ALK: variants seen among roughly 807,000 people sequenced by gnomAD.
ALK encodes the protein ALK receptor tyrosine kinase, also known as ALK tyrosine kinase receptor.
A neutral mutation model predicts 163.1 loss-of-function variants in ALK; 74 were observed. The ratio of observed to expected loss-of-function variants is 0.45; its 90% confidence interval spans 0.38 to 0.55. The LOEUF (loss-of-function observed/expected upper bound fraction) is 0.55, where lower values mean the gene tolerates loss of function less well. Ranked by LOEUF, ALK falls within the 20% of genes least tolerant of loss-of-function variation. The probability of loss-of-function intolerance (pLI) is 0.00; values close to 1 mark genes in which losing one functional copy is unlikely to be tolerated. For missense variants in ALK, 2,063 were observed against 2,105.3 expected, an observed-to-expected ratio of 0.98 and a Z score of 0.39; for synonymous variants, 960 against 843.2, an observed-to-expected ratio of 1.14 and a Z score of -2.40.
intron 26 of ALK, among the ~76,000 whole-genome samples, chr2:29,204,340 T>A (rs1669259539): frequency 6.6e-6 from 1 of 152,234 alleles, no homozygotes; most frequent in African/African-American, 2.4e-5. Flanking sequence ...CGCATTACAT[T>A]TAATTGTCTT....
intron 4 of ALK, among the ~76,000 whole-genome samples, chr2:29,482,053 T>A (rs1671673765): frequency 6.6e-6 from 1 of 152,162 alleles, no homozygotes; most frequent in Admixed American, 6.5e-5. Flanking sequence ...TGACCACAGA[T>A]CTCAAATGGG....
At chr2:29,912,887 A>G (rs777432022) in intron 1 of ALK, among the ~76,000 whole-genome samples, 1 of 152,164 alleles carries the variant, frequency 6.6e-6, no homozygotes, top group Non-Finnish European at 1.5e-5. Flanking sequence ...GCTCACCCTC[A>G]TGAACTCACA....
intron 4 of ALK, among the ~76,000 whole-genome samples, chr2:29,441,656 T>G (rs1437797670): frequency 6.6e-6 from 1 of 152,218 alleles, no homozygotes; most frequent in Non-Finnish European, 1.5e-5. Context: ...ACATCTGCCC[T>G]GGGGTAACAA....
At chr2:29,370,023 G>C (rs539207366) in intron 5 of ALK, among the ~76,000 whole-genome samples, 1 of 152,150 alleles carries the variant, frequency 6.6e-6, no homozygotes, top group African/African-American at 2.4e-5. Flanking sequence ...GGGAGAGAGA[G>C]TGTGCAGGGA....
intron 1 of ALK, among the ~76,000 whole-genome samples, chr2:29,755,430 T>G (rs1159462730): frequency 2.0e-5 from 3 of 152,220 alleles, no homozygotes; most frequent in Non-Finnish European, 4.4e-5. Flanking sequence ...GGAAGAATTC[T>G]CCACGGACCT....
intron 1 of ALK, among the ~76,000 whole-genome samples, chr2:29,785,263 A>C (rs1490780672): frequency 2.0e-5 from 3 of 152,084 alleles, no homozygotes; most frequent in African/African-American, 7.2e-5. Context: ...ACTTCCTGGT[A>C]TATATGAGGG....
At chr2:29,626,821 G>A (rs930051385) in intron 3 of ALK, among the ~76,000 whole-genome samples, 2 of 152,196 alleles carry the variant, frequency 1.3e-5, no homozygotes, top group African/African-American at 4.8e-5. Context: ...ATAGCAGCCT[G>A]AGCAGACTGA....
Position 29,595,397 on chromosome 2 carries a change from T to C in ALK, c.953-63281A>G, listed in dbSNP as rs374783217. On this transcript the variant is annotated intron_variant, in intron 3 of 28. Coordinates refer to ENST00000389048, the MANE Select transcript of ALK (RefSeq NM_004304.5). ...GTCCAGCTGCACGATCTCGGCTCAC[T>C]GCAAGCTCTGCCTCCCGGGTTCACG... Among the ~76,000 whole-genome samples the C allele has an allele frequency of 8.1e-4, 121 of 150,118 alleles. No individual in the cohort carries two copies. In the East Asian group the frequency reaches 8.5e-3, roughly 11 times the overall value.
intron 1 of ALK, among the ~76,000 whole-genome samples, chr2:29,888,863 C>G (rs1252886804): frequency 6.6e-6 from 1 of 152,196 alleles, no homozygotes; most frequent in Non-Finnish European, 1.5e-5. Context: ...ATCCAATACA[C>G]CATTTCCTTC....
At chr2:29,494,875 T>TGTGTGTGC (rs971114691) in intron 4 of ALK, among the ~76,000 whole-genome samples, 22 of 147,850 alleles carry the variant, frequency 1.5e-4, no homozygotes, top group African/African-American at 5.4e-4. Flanking sequence ...TGTGTGTGTG[T>TGTGTGTGC]GCATGCATGT....
chr2:29,219,378 G>A (rs2148164959), intron 23 of ALK, among the ~76,000 whole-genome samples: 1 of 152,316 alleles, frequency 6.6e-6, no homozygotes, highest in South Asian at 2.1e-4. Flanking sequence ...TGAAGGTGGA[G>A]ATCAGAATAG....
chr2:29,247,882 C>T (rs1316283952), intron 12 of ALK, among the ~76,000 whole-genome samples: 2 of 152,258 alleles, frequency 1.3e-5, no homozygotes, highest in Admixed American at 1.3e-4. Flanking sequence ...TTCTCACGTC[C>T]TCTGGTGCAT....
chr2:29,213,926 G>A (rs576491313), intron 24 of ALK, 58 bp downstream of exon 24: 29 of 1,450,054 alleles, frequency 2.0e-5, no homozygotes, highest in African/African-American at 8.4e-5. Flanking sequence ...TGAGATCTGC[G>A]GGGAAGCACA....
At chr2:29,587,849 A>T (rs1288120412) in intron 3 of ALK, among the ~76,000 whole-genome samples, 1 of 152,226 alleles carries the variant, frequency 6.6e-6, no homozygotes, top group Non-Finnish European at 1.5e-5. Context: ...GAAATATCAA[A>T]ATATTGATTT....
At chr2:29,242,211 C>T (rs1468501599) in intron 12 of ALK, among the ~76,000 whole-genome samples, 1 of 152,156 alleles carries the variant, frequency 6.6e-6, no homozygotes, top group Non-Finnish European at 1.5e-5. Flanking sequence ...GTCCTGCTCA[C>T]TGCCCCAGGT....
intron 1 of ALK, among the ~76,000 whole-genome samples, chr2:29,898,454 G>C (rs1667328668): frequency 6.6e-6 from 1 of 152,166 alleles, no homozygotes; most frequent in Non-Finnish European, 1.5e-5. Flanking sequence ...CTCAGCACCA[G>C]AGAAAAAGCT....
At chr2:29,820,319 A>G (rs1665013828) in intron 1 of ALK, among the ~76,000 whole-genome samples, 1 of 152,156 alleles carries the variant, frequency 6.6e-6, no homozygotes, top group South Asian at 2.1e-4. Flanking sequence ...ATGGAAGCAG[A>G]TTCTCCAGCT....
intron 1 of ALK, among the ~76,000 whole-genome samples, chr2:29,823,026 T>C (rs1357149677): frequency 3.9e-5 from 6 of 152,222 alleles, no homozygotes; most frequent in Non-Finnish European, 8.8e-5. Context: ...TTCCACGTGT[T>C]ATGGGAGGGA....
intron 3 of ALK, among the ~76,000 whole-genome samples, chr2:29,586,623 C>T (rs933342516): frequency 6.6e-6 from 1 of 152,126 alleles, no homozygotes; most frequent in Non-Finnish European, 1.5e-5. Context: ...TGTTATCTAC[C>T]TGGGAAATAG....
Sources: allele counts gnomAD v4.1 joint callset (sites outside exome capture counted in the v4.1 genomes callset), GRCh38; gene constraint gnomAD v4.1.1; transcripts MANE v1.5; gene names NCBI Gene and HGNC (gene_info 2026-07-23, HGNC 2026-07-21).